IL6: variants seen among roughly 807,000 people sequenced by gnomAD.
The protein encoded by IL6 is interleukin-6.
Under a neutral mutation model 18.0 loss-of-function variants are expected in IL6, and 5 were observed. The ratio of observed to expected loss-of-function variants is 0.28; its 90% confidence interval spans 0.15 to 0.58. The LOEUF (loss-of-function observed/expected upper bound fraction) is 0.58. IL6 is among the 20% of genes least tolerant of loss of function. The probability of loss-of-function intolerance (pLI) is 0.90; values close to 1 mark genes in which losing one functional copy is unlikely to be tolerated. For synonymous variants in IL6, 97 were observed against 95.1 expected, an observed-to-expected ratio of 1.02 and a Z score of -0.12; for missense variants, 266 against 251.0, an observed-to-expected ratio of 1.06 and a Z score of -0.40.
At chr7:22,731,226 CAA>C (rs747195700) in intron 4 of IL6, among the ~76,000 whole-genome samples, 178 bp from the exon 5 acceptor site, 45 of 129,438 alleles carry the variant, frequency 3.5e-4, no homozygotes, top group Non-Finnish European at 2.3e-4. Flanking sequence ...GACCTTGACT[CAA>C]AAAAAAAAAA....
At chr7:22,728,827 C>A in intron 3 of IL6, 21 bp downstream of exon 3, 1 of 1,388,230 alleles carries the variant, frequency 7.2e-7, no homozygotes, top group Non-Finnish European at 1.0e-6. Context: ...GTCGCACTCA[C>A]TTTTCACTAT....
chr7:22,730,166 C>A, intron 4 of IL6: 1 of 985,370 alleles, frequency 1.0e-6, no homozygotes, highest in Non-Finnish European at 1.2e-6. Flanking sequence ...CTTTGGCCAC[C>A]AGTAGCTGGC....
In IL6 at chr7:22,727,453, G is replaced by C. The variant is rs762283178; in HGVS notation, c.29G>C (p.Gly10Ala). 1.9e-6 allele frequency: 3 copies of C among 1,613,988 alleles called. No homozygotes were observed. The highest frequency in any genetic ancestry group is 1.7e-6 in the Non-Finnish European group (2 of 1,179,920). Reference protein sequence around the residue: MNSFSTSAFGPVAFSLGLLL... With the variant: MNSFSTSAFAPVAFSLGLLL... Reference sequence around the variant, plus strand: ...CTCCCCTCCGGCACAGGCGCCTTCGGTCCAGTTGCCTTCTCCCTGGGGCTG... The same window carrying C: ...CTCCCCTCCGGCACAGGCGCCTTCGCTCCAGTTGCCTTCTCCCTGGGGCTG... The change falls in exon 2 of 5, where the codon GGT (glycine) becomes GCT (alanine). Residue 10 changes from glycine to alanine, a missense_variant. Physicochemically the swap from Gly to Ala is moderately conservative, Grantham distance 60. Coordinates refer to ENST00000258743, the MANE Select transcript of IL6 (RefSeq NM_000600.5).
At position 22,727,472 on chromosome 7, in the gene IL6, G is replaced by T. The variant is rs766033770; in HGVS notation, c.48G>T (p.Leu16=). 6.2e-7 allele frequency: 1 copy of T among 1,614,062 alleles called. No homozygotes were observed. The highest frequency in any genetic ancestry group is 1.1e-5 in the South Asian group (1 of 91,088). ...CCTTCGGTCCAGTTGCCTTCTCCCT[G>T]GGGCTGCTCCTGGTGTTGCCTGCTG... ...TSAFGPVAFS[L]GLLLVLPAAF... is the part of the protein sequence containing the mutation. Residue 16 remains leucine (L), a synonymous_variant, in exon 2 of 5, where the codon CTG becomes CTT. Coordinates refer to ENST00000258743, the MANE Select transcript of IL6 (RefSeq NM_000600.5).
chr7:22,729,817 T>G, intron 4 of IL6, 157 bp downstream of exon 4: 1 of 1,522,690 alleles, frequency 6.6e-7, no homozygotes, highest in East Asian at 2.5e-5. Context: ...TTGTTAAATC[T>G]TTTTTTGTTT....
intron 4 of IL6, among the ~76,000 whole-genome samples, chr7:22,730,990 C>T (rs1338387603): frequency 6.6e-6 from 1 of 152,052 alleles, no homozygotes; most frequent in Non-Finnish European, 1.5e-5. Flanking sequence ...AATCCCAGCG[C>T]TATGGGAGGC....
chr7:22,727,342 A>AG, intron 1 of IL6, 61 bp downstream of exon 1: 2 of 1,613,766 alleles, frequency 1.2e-6, no homozygotes, highest in Non-Finnish European at 1.7e-6. Flanking sequence ...TGTGTGAGGG[A>AG]GGGGTGTGTG....
intron 3 of IL6, 91 bp downstream of exon 3, chr7:22,728,897 G>T: frequency 2.7e-6 from 2 of 739,772 alleles, no homozygotes; most frequent in South Asian, 1.6e-5. Context: ...GATCCAGGCA[G>T]CAACAAAAAG....
chr7:22,727,674 C>T (rs1488277153), intron 2 of IL6, 40 bp downstream of exon 2: 1 of 1,521,754 alleles, frequency 6.6e-7, no homozygotes, highest in East Asian at 2.3e-5. Context: ...GCCCGGTGCG[C>T]ATGCGTTCCC....
intron 2 of IL6, among the ~76,000 whole-genome samples, chr7:22,727,869 G>A (rs1008175358): frequency 6.6e-6 from 1 of 152,146 alleles, no homozygotes; most frequent in Non-Finnish European, 1.5e-5. Context: ...GCCCACCTTT[G>A]GCATGAGCTG....
chr7:22,730,209 A>G (rs1784100572), intron 4 of IL6: 10 of 985,292 alleles, frequency 1.0e-5, no homozygotes, highest in Admixed American at 6.1e-5. Flanking sequence ...CTTGCTGGCT[A>G]GCATGTGGAG....
chr7:22,727,522 G>A lies in IL6; in HGVS notation c.98G>A (p.Gly33Glu). ...PAAFPAPVPP[G>E]EDSKDVAAPH... is the part of the protein sequence containing the mutation. Reference sequence around the variant, plus strand: ...GCCTTCCCTGCCCCAGTACCCCCAGGAGAAGATTCCAAAGATGTAGCCGCC... The same window carrying A: ...GCCTTCCCTGCCCCAGTACCCCCAGAAGAAGATTCCAAAGATGTAGCCGCC... Residue 33 changes from glycine (G) to glutamate (E), a missense_variant, in exon 2 of 5, where the codon GGA (glycine) becomes GAA (glutamate). Coordinates refer to ENST00000258743, the MANE Select transcript of IL6 (RefSeq NM_000600.5). 1 of 1,613,860 alleles carries A rather than the reference G, an allele frequency of 6.2e-7. No homozygotes were observed. The highest frequency in any genetic ancestry group is 1.1e-5 in the South Asian group (1 of 91,024).
rs553784698 is a variant in IL6, at chr7:22,727,390, A to T, written c.20-54A>T. The T allele has an allele frequency of 2.5e-5, 40 of 1,613,250 alleles. No homozygotes were observed. The African/African-American group carries it at 3.7e-4, about 15-fold the overall frequency. On this transcript the variant is annotated intron_variant, in intron 1 of 4. Transcript: ENST00000258743. ...CTGGCGGGCGGCCAGCAGCAGAGGC[A>T]GGCTCCCAGCTGTGCTGTCAGCTCA...
At chr7:22,727,751 A>G (rs1268097437) in intron 2 of IL6, 117 bp downstream of exon 2, 2 of 1,175,670 alleles carry the variant, frequency 1.7e-6, no homozygotes, top group Non-Finnish European at 1.2e-6. Flanking sequence ...AGAGCACTGT[A>G]GATTTGAGGC....
intron 2 of IL6, 164 bp from the exon 3 acceptor site, chr7:22,728,529 A>G: frequency 1.7e-6 from 1 of 604,732 alleles, no homozygotes; most frequent in South Asian, 2.0e-5. Flanking sequence ...ACTGAACCCA[A>G]GTGTGCCCCC....
chr7:22,729,094 C>A (rs1336349687), intron 3 of IL6, among the ~76,000 whole-genome samples: 3 of 152,234 alleles, frequency 2.0e-5, no homozygotes, highest in African/African-American at 4.8e-5. Flanking sequence ...ACTCTCAGGG[C>A]CTTTTCCCTC....
intron 4 of IL6, chr7:22,730,081 T>A: frequency 1.0e-6 from 1 of 985,380 alleles, no homozygotes; most frequent in Non-Finnish European, 1.2e-6. Flanking sequence ...GTTTCAATTC[T>A]TTTTCCTACC....
intron 4 of IL6, 55 bp from the exon 5 acceptor site, chr7:22,731,351 T>A: frequency 7.1e-7 from 1 of 1,399,210 alleles, no homozygotes; most frequent in Admixed American, 2.1e-5. Flanking sequence ...ATCCCTCCAC[T>A]GCAAAGGATT....
At position 22,729,436 on chromosome 7, in the gene IL6, G is replaced by T. The variant is rs532066911; in HGVS notation, c.325-78G>T. The T allele has an allele frequency of 3.6e-6, 5 of 1,398,014 alleles. No individual in the cohort carries two copies. The Admixed American group carries it at 7.2e-5, about 20-fold the overall frequency. 86.6% of individuals were successfully genotyped at this position (1,398,014 alleles called of 1,614,324 possible). A position where few individuals can be genotyped will look rare whatever the true frequency, so the allele number is the denominator to read the frequency against. On this transcript the variant is annotated intron_variant, in intron 3 of 4. Transcript: ENST00000258743. ...TAGAGGAGCAGAGGGAAAAGATGTC[G>T]AACTGTGGCAATTTTAACTTTTCAA...
Sources: gnomAD v4.1 joint callset for allele counts (sites outside exome capture counted in the v4.1 genomes callset) on GRCh38, gnomAD v4.1.1 for gene constraint, MANE v1.5 for transcripts, NCBI Gene and HGNC (gene_info 2026-07-23, HGNC 2026-07-21) for gene names.